FZD3: variants seen among roughly 807,000 people sequenced by gnomAD.
The protein encoded by FZD3 is frizzled class receptor 3.
FZD3 carries 30 observed loss-of-function variants against 60.7 expected under a neutral mutation model. The observed-to-expected ratio is 0.49, with a 90% CI of 0.37 to 0.67. The LOEUF is 0.67. FZD3 is among the 30% of genes least tolerant of loss of function. The pLI is 0.00. For synonymous variants in FZD3, 246 were observed against 275.2 expected (o/e 0.89, Z 1.05); for missense variants, 605 against 838.7 (o/e 0.72, Z 3.44).
intron 3 of FZD3, among the ~76,000 whole-genome samples, chr8:28,504,280 A>G (rs1804078704): frequency 6.6e-6 from 1 of 152,202 alleles, no homozygotes; most frequent in African/African-American, 2.4e-5. Flanking sequence ...TTTTCCTCTG[A>G]GTACACGAGG....
In FZD3 at chr8:28,503,197, A is replaced by G. The variant is rs61754565; in HGVS notation, c.184A>G (p.Met62Val). 11 of 1,605,966 alleles carry G rather than the reference A, an allele frequency of 6.8e-6. No individual in the cohort carries two copies. The highest frequency in any genetic ancestry group is 9.4e-6 in the Non-Finnish European group (11 of 1,172,938). ...HYDQQTAALA[M>V]EPFHPMVNLD... ...TGACCAACAGACAGCAGCTTTGGCAATGGAGGTAAGACTTGATCTATTCTT... is the reference window on the plus strand; with the variant it reads ...TGACCAACAGACAGCAGCTTTGGCAGTGGAGGTAAGACTTGATCTATTCTT... Residue 62 changes from methionine (M) to valine (V), a missense_variant, in exon 3 of 8, where the codon ATG (methionine) becomes GTG (valine). Physicochemically the swap from Met to Val is conservative, Grantham distance 21. Transcript: ENST00000240093.
rs28461309 is a variant in FZD3, at chr8:28,521,783, G to A, written c.386+949G>A. Among the ~76,000 whole-genome samples the A allele has an allele frequency of 5.2e-3, 796 of 152,154 alleles. 5 individuals are homozygous for A. Among genetic ancestry groups the A allele is most frequent in the African/African-American group, 0.016 (667 of 41,508 alleles). On this transcript the variant is annotated intron_variant, in intron 4 of 7. Transcript: ENST00000240093. The stretch of plus-strand genomic sequence containing the variant: ...GTCTAGTACATTCCTTTTAATTGCC[G>A]TGTAGTGGTCAATTGTGTTAATATC...
At chr8:28,500,381 A>G (rs1803956738) in intron 2 of FZD3, among the ~76,000 whole-genome samples, 1 of 152,198 alleles carries the variant, frequency 6.6e-6, no homozygotes, top group Non-Finnish European at 1.5e-5. Context: ...ATAGGGGGAC[A>G]TTTCAGCTAG....
intron 5 of FZD3, among the ~76,000 whole-genome samples, chr8:28,546,512 T>G (rs1805296661): frequency 6.6e-6 from 1 of 152,244 alleles, no homozygotes; most frequent in African/African-American, 2.4e-5. Flanking sequence ...CCCCTATTGT[T>G]GACCTGTTAT....
chr8:28,509,401 G>GT (rs943330837), intron 3 of FZD3, among the ~76,000 whole-genome samples: 14 of 149,862 alleles, frequency 9.3e-5, no homozygotes, highest in Admixed American at 2.7e-4. Flanking sequence ...CCCCACACTG[G>GT]TTTTTTTTTC....
rs764463632 is a variant in FZD3, at chr8:28,503,002, G to A, written c.-12G>A. 1 of 1,600,700 alleles carries A rather than the reference G, an allele frequency of 6.2e-7. No homozygotes were observed. The highest frequency in any genetic ancestry group is 1.7e-5 in the Admixed American group (1 of 59,778). ...GGCCTGATCATCTGAATCTCCTTCA[G>A]ACCCAGGAAGGATGGCTATGACTTG... is the stretch of plus-strand genomic sequence containing the variant. On this transcript the variant is annotated 5_prime_UTR_variant, in exon 3 of 8. Coordinates refer to ENST00000240093, the MANE Select transcript of FZD3 (RefSeq NM_017412.4).
chr8:28,562,095 C>T (rs1395490421), intron 7 of FZD3, among the ~76,000 whole-genome samples: 1 of 152,096 alleles, frequency 6.6e-6, no homozygotes, highest in Non-Finnish European at 1.5e-5. Flanking sequence ...GCTGAAGGTA[C>T]AAAGAATTTG....
intron 5 of FZD3, among the ~76,000 whole-genome samples, chr8:28,536,180 A>G (rs1175492957): frequency 6.6e-6 from 1 of 152,218 alleles, no homozygotes; most frequent in Non-Finnish European, 1.5e-5. Context: ...ACTCTGTACT[A>G]GAGTCATTTT....
Position 28,539,906 on chromosome 8 carries a change from A to T in FZD3, c.1405-11697A>T, listed in dbSNP as rs879629077. 3.9e-5 allele frequency among the ~76,000 whole-genome samples: 6 copies of T among 152,094 alleles called. No homozygotes were observed. The South Asian group carries it at 1.0e-3, about 26-fold the overall frequency. ...TTTTGCAGGGTATTTCACCCTTAGC[A>T]TGAGTAGTTTTTTTTCTATTTAATT... On this transcript the variant is annotated intron_variant, in intron 5 of 7. Coordinates refer to ENST00000240093, the MANE Select transcript of FZD3 (RefSeq NM_017412.4).
chr8:28,532,423 T>A (rs1193061731), intron 5 of FZD3, among the ~76,000 whole-genome samples: 1 of 152,204 alleles, frequency 6.6e-6, no homozygotes, highest in Non-Finnish European at 1.5e-5. Context: ...GCATGCCATT[T>A]AAAAAATTTT....
In FZD3 at chr8:28,502,832, A is replaced by G; in HGVS notation, c.-182A>G. 2.5e-6 allele frequency: 1 copy of G among 401,368 alleles called. No individual in the cohort carries two copies. Among genetic ancestry groups the G allele is most frequent in the Non-Finnish European group, 4.4e-6 (1 of 225,418 alleles). The allele number at this position is 401,368 out of a possible 1,614,324, so 24.9% of individuals were successfully genotyped here. ...TTCCCATATTGTGAAACCAAAAACAAACGCCTTTTGTGAGACCAAGCTAAC... is the reference window on the plus strand; with the variant it reads ...TTCCCATATTGTGAAACCAAAAACAGACGCCTTTTGTGAGACCAAGCTAAC... On this transcript the variant is annotated 5_prime_UTR_variant, in exon 3 of 8. Transcript: ENST00000240093.
At chr8:28,548,115 A>G (rs373443079) in intron 5 of FZD3, among the ~76,000 whole-genome samples, 10 of 152,136 alleles carry the variant, frequency 6.6e-5, no homozygotes, top group African/African-American at 2.2e-4. Flanking sequence ...AGCCTCCGAA[A>G]GCGCTGGGAT....
intron 5 of FZD3, among the ~76,000 whole-genome samples, chr8:28,540,169 A>T (rs754082736): frequency 6.6e-6 from 1 of 152,216 alleles, no homozygotes; most frequent in Non-Finnish European, 1.5e-5. Context: ...TACAGCAAGT[A>T]GATGCTGATG....
intron 1 of FZD3, among the ~76,000 whole-genome samples, chr8:28,494,701 G>A (rs1361911640): frequency 1.3e-5 from 2 of 152,016 alleles, no homozygotes; most frequent in Non-Finnish European, 2.9e-5. Flanking sequence ...TCGGCAACCT[G>A]TGCGAGTGTG....
intron 6 of FZD3, among the ~76,000 whole-genome samples, chr8:28,554,099 C>T (rs376528253): frequency 7.2e-5 from 11 of 152,260 alleles, no homozygotes; most frequent in African/African-American, 2.2e-4. Context: ...AATGTTCTCC[C>T]CTTAAGTGAA....
At chr8:28,525,854 G>C (rs559540442) in intron 4 of FZD3, among the ~76,000 whole-genome samples, 1 of 152,278 alleles carries the variant, frequency 6.6e-6, no homozygotes, top group East Asian at 1.9e-4. Flanking sequence ...GAAATGAGAA[G>C]AGTTCGGTTT....
chr8:28,532,052 A>G (rs759281395), intron 5 of FZD3, among the ~76,000 whole-genome samples: 15 of 152,188 alleles, frequency 9.9e-5, no homozygotes, highest in Non-Finnish European at 1.8e-4. Context: ...TTATTTTTCC[A>G]TATGGATAAG....
chr8:28,501,862 T>C (rs1329854438), intron 2 of FZD3, among the ~76,000 whole-genome samples: 1 of 152,234 alleles, frequency 6.6e-6, no homozygotes, highest in African/African-American at 2.4e-5. Flanking sequence ...TTCTTAGTGC[T>C]ACATCTGTGT....
intron 5 of FZD3, among the ~76,000 whole-genome samples, chr8:28,549,217 G>T (rs552934497): frequency 6.6e-6 from 1 of 152,234 alleles, no homozygotes; most frequent in East Asian, 1.9e-4. Flanking sequence ...GCCAGATTGG[G>T]TTGGGATCTA....
Sources: gnomAD v4.1 joint callset for allele counts (sites outside exome capture counted in the v4.1 genomes callset) on GRCh38, gnomAD v4.1.1 for gene constraint, MANE v1.5 for transcripts, NCBI Gene and HGNC (gene_info 2026-07-23, HGNC 2026-07-21) for gene names.